FADS1: variants seen among roughly 807,000 people sequenced by gnomAD.
The protein encoded by FADS1 is acyl-CoA (8-3)-desaturase.
A neutral mutation model predicts 61.6 loss-of-function variants in FADS1; 17 were observed. The observed-to-expected ratio is 0.28, with a 90% CI of 0.19 to 0.41. The LOEUF is 0.41. FADS1 is among the 10% of genes least tolerant of loss of function. The pLI is 1.00. For synonymous variants in FADS1, 238 were observed against 258.7 expected (o/e 0.92, Z 0.77); for missense variants, 387 against 650.9 (o/e 0.59, Z 4.41).
chr11:61,811,792 T>C, intron 3 of FADS1: 1 of 396,676 alleles, frequency 2.5e-6, no homozygotes, highest in Non-Finnish European at 5.1e-6. Flanking sequence ...TTTCACCATG[T>C]TGGCCAGGTG....
rs960425397 is a variant in FADS1, at chr11:61,816,189, C to G, written c.375+366G>C. The G allele has an allele frequency of 2.1e-6, 3 of 1,458,302 alleles. No individual in the cohort carries two copies. The highest frequency in any genetic ancestry group is 2.8e-5 in the African/African-American group (2 of 71,962). The allele number at this position is 1,458,302 out of a possible 1,614,324, so 90.3% of individuals were successfully genotyped here. A position where few individuals can be genotyped will look rare whatever the true frequency, so the allele number is the denominator to read the frequency against. On this transcript the variant is annotated intron_variant, in intron 1 of 11. Transcript: ENST00000350997. This position sits in a 1 kb window ranked among gnomAD's most constrained non-coding sequence, Gnocchi z 7.0. ...CCCCTGGCCACTGACCCCCTCCCTCCCCAGGCGGCCTGCATCCTTGCTCTC... is the reference window on the plus strand; with the variant it reads ...CCCCTGGCCACTGACCCCCTCCCTCGCCAGGCGGCCTGCATCCTTGCTCTC...
chr11:61,808,604 G>C (rs1431237437), intron 5 of FADS1, among the ~76,000 whole-genome samples: 1 of 152,172 alleles, frequency 6.6e-6, no homozygotes, highest in Non-Finnish European at 1.5e-5. Context: ...CAAGTTATAG[G>C]GATCATAAAG....
At position 61,816,954 on chromosome 11, in the gene FADS1, G is replaced by C; in HGVS notation, c.-25C>G. ...TTGGCCGAGCCTCGTGGCGCGGGGA[G>C]CGAGATCCCGTCCCCCGGTGGGTCT... On this transcript the variant is annotated 5_prime_UTR_variant, in exon 1 of 12. Transcript: ENST00000350997. This position sits in a 1 kb window ranked among gnomAD's most constrained non-coding sequence, Gnocchi z 7.0. 3 of 1,373,894 alleles carry C rather than the reference G, an allele frequency of 2.2e-6. No individual in the cohort carries two copies. In the South Asian group the frequency reaches 5.0e-5, roughly 23 times the overall value. The allele number at this position is 1,373,894 out of a possible 1,614,324, so 85.1% of individuals were successfully genotyped here.
Position 61,802,730 on chromosome 11 carries a change from A to G in FADS1, c.1454+71T>C. The G allele has an allele frequency of 1.3e-6, 2 of 1,597,924 alleles. No individual in the cohort carries two copies. Among genetic ancestry groups the G allele is most frequent in the Non-Finnish European group, 1.7e-6 (2 of 1,168,206 alleles). ...ACACCTTCTGTTCACTCCCCACCCT[A>G]CATGTCATCATTTCCATTGCCCTGC... On this transcript the variant is annotated intron_variant, in intron 11 of 11. Transcript: ENST00000350997. This position sits in a 1 kb window ranked among gnomAD's most constrained non-coding sequence, Gnocchi z 4.2.
In FADS1 at chr11:61,802,544, C is replaced by T. The variant is rs898941590; in HGVS notation, c.1455-82G>A. 6.6e-6 allele frequency: 9 copies of T among 1,355,604 alleles called. No homozygotes were observed. The African/African-American group carries it at 1.2e-4, about 17-fold the overall frequency. The allele number at this position is 1,355,604 out of a possible 1,614,324, so 84.0% of individuals were successfully genotyped here. A position where few individuals can be genotyped will look rare whatever the true frequency, so the allele number is the denominator to read the frequency against. On this transcript the variant is annotated intron_variant, in intron 11 of 11. Coordinates refer to ENST00000350997, the MANE Select transcript of FADS1 (RefSeq NM_013402.7). This position sits in a 1 kb window ranked among gnomAD's most constrained non-coding sequence, Gnocchi z 4.2. ...GGAGATGGAGCAGTGAGGTTAAGGCCTTCTTCCATCTGGAGGTTTTCCTCC... is the reference window on the plus strand; with the variant it reads ...GGAGATGGAGCAGTGAGGTTAAGGCTTTCTTCCATCTGGAGGTTTTCCTCC...
At chr11:61,812,855 G>A (rs2066941418) in intron 2 of FADS1, among the ~76,000 whole-genome samples, 187 bp from the exon 3 acceptor site, 1 of 152,196 alleles carries the variant, frequency 6.6e-6, no homozygotes, top group African/African-American at 2.4e-5. Context: ...TAAGAGTTCA[G>A]GGGACTAAGT....
At position 61,799,849 on chromosome 11, in the gene FADS1, C is replaced by T. The variant is rs1244827600; in HGVS notation, c.*2562G>A. 6.5e-6 allele frequency: 1 copy of T among 152,810 alleles called. No individual in the cohort carries two copies. Among genetic ancestry groups the T allele is most frequent in the African/African-American group, 2.4e-5 (1 of 41,462 alleles). The allele number at this position is 152,810 out of a possible 1,614,324, so 9.5% of individuals were successfully genotyped here. On this transcript the variant is annotated 3_prime_UTR_variant, in exon 12 of 12. Transcript: ENST00000350997. Reference sequence around the variant, plus strand: ...CTTGACCAGAGGCAGCTTTTCCTCTCTAAGCCTATTTTATATCTGTCAGTG... The same window carrying T: ...CTTGACCAGAGGCAGCTTTTCCTCTTTAAGCCTATTTTATATCTGTCAGTG...
chr11:61,813,398 T>C, intron 1 of FADS1, 45 bp from the exon 2 acceptor site: 1 of 1,181,476 alleles, frequency 8.5e-7, no homozygotes, highest in South Asian at 1.2e-5. Context: ...GCCAGCCCCC[T>C]GGACTCCGGC....
chr11:61,802,657 A>G lies in FADS1; in HGVS notation c.1454+144T>C. 7.5e-7 allele frequency: 1 copy of G among 1,330,836 alleles called. No homozygotes were observed. 82.4% of individuals were successfully genotyped at this position (1,330,836 alleles called of 1,614,324 possible). A position where few individuals can be genotyped will look rare whatever the true frequency, so the allele number is the denominator to read the frequency against. ...GGCCTGACCTGGCCACAGGTCCAAT[A>G]AAGAATCCTGCCTTTGCCATGGTGA... On this transcript the variant is annotated intron_variant, in intron 11 of 11. Transcript: ENST00000350997. This position sits in a 1 kb window ranked among gnomAD's most constrained non-coding sequence, Gnocchi z 4.2.
In FADS1 at chr11:61,815,471, G is replaced by C. The variant is rs2066972624; in HGVS notation, c.375+1084C>G. On this transcript the variant is annotated intron_variant, in intron 1 of 11. Coordinates refer to ENST00000350997, the MANE Select transcript of FADS1 (RefSeq NM_013402.7). This position sits in a 1 kb window ranked among gnomAD's most constrained non-coding sequence, Gnocchi z 6.4. ...ACGTTATGGGAACCTGGTGACCCGCGGCACACTCTGGGACGCCAGGGTAGT... is the reference window on the plus strand; with the variant it reads ...ACGTTATGGGAACCTGGTGACCCGCCGCACACTCTGGGACGCCAGGGTAGT... The C allele has an allele frequency of 6.6e-6, 1 of 152,344 alleles. No individual in the cohort carries two copies. The highest frequency in any genetic ancestry group is 6.5e-5 in the Admixed American group (1 of 15,288). 9.4% of individuals were successfully genotyped at this position (152,344 alleles called of 1,614,324 possible). A position where few individuals can be genotyped will look rare whatever the true frequency, so the allele number is the denominator to read the frequency against.
chr11:61,816,599 C>A lies in FADS1; in HGVS notation c.331G>T (p.Gly111Trp). 6.2e-7 allele frequency: 1 copy of A among 1,610,160 alleles called. No homozygotes were observed. The highest frequency in any genetic ancestry group is 8.5e-7 in the Non-Finnish European group (1 of 1,178,986). ...NISEFTRRHP[G>W]GSRVISHYAG... The stretch of plus-strand genomic sequence containing the variant: ...TAGTGGCTGATGACCCGGGAGCCCC[C>A]TGGATGCCGGCGGGTGAACTCGCTG... Residue 111 changes from glycine (G) to tryptophan (W), a missense_variant, in exon 1 of 12, where the codon GGG (glycine) becomes TGG (tryptophan). Around this residue, in one of 2 missense-constraint regions of FADS1, gnomAD observed 257 missense variants for 533.3 expected, o/e 0.48. Coordinates refer to ENST00000350997, the MANE Select transcript of FADS1 (RefSeq NM_013402.7). The surrounding 1 kb of genome is among the most constrained non-coding windows in gnomAD (Gnocchi z 7.0).
chr11:61,816,357 T>A lies in FADS1; in HGVS notation c.375+198A>T. ...TGGCCTCCATCCCCACTCCCCAGAC[T>A]CCACTTCTCCAGGCCTCTCTCCCGC... On this transcript the variant is annotated intron_variant, in intron 1 of 11. Transcript: ENST00000350997. This position sits in a 1 kb window ranked among gnomAD's most constrained non-coding sequence, Gnocchi z 7.0. 6.3e-7 allele frequency: 1 copy of A among 1,598,328 alleles called. No individual in the cohort carries two copies. The highest frequency in any genetic ancestry group is 8.5e-7 in the Non-Finnish European group (1 of 1,179,764).
At position 61,816,434 on chromosome 11, in the gene FADS1, C is replaced by T. The variant is rs775465072; in HGVS notation, c.375+121G>A. The T allele has an allele frequency of 1.3e-6, 2 of 1,599,100 alleles. No homozygotes were observed. The highest frequency in any genetic ancestry group is 8.5e-7 in the Non-Finnish European group (1 of 1,179,794). On this transcript the variant is annotated intron_variant, in intron 1 of 11. Transcript: ENST00000350997. This position sits in a 1 kb window ranked among gnomAD's most constrained non-coding sequence, Gnocchi z 7.0. ...CCAATCACCGGGCAACAGGTATGAT[C>T]AGGCGCCTCCGGGCTTTCCTCCGAA... is the stretch of plus-strand genomic sequence containing the variant.
In FADS1 at chr11:61,815,701, G is replaced by C. The variant is rs1470061067; in HGVS notation, c.375+854C>G. The C allele has an allele frequency of 1.9e-5, 3 of 155,800 alleles. No homozygotes were observed. Among genetic ancestry groups the C allele is most frequent in the Non-Finnish European group, 4.3e-5 (3 of 70,328 alleles). The allele number at this position is 155,800 out of a possible 1,614,324, so 9.7% of individuals were successfully genotyped here. A position where few individuals can be genotyped will look rare whatever the true frequency, so the allele number is the denominator to read the frequency against. ...CTCTGAGGGCTGTGGTCTAGAAAGG[G>C]AAGCAGCAGGCCTGGGGCTGGGGCG... On this transcript the variant is annotated intron_variant, in intron 1 of 11. Transcript: ENST00000350997. The surrounding 1 kb of genome is among the most constrained non-coding windows in gnomAD (Gnocchi z 6.4).
chr11:61,807,184 T>C (rs1324421232), intron 5 of FADS1, among the ~76,000 whole-genome samples: 3 of 152,256 alleles, frequency 2.0e-5, no homozygotes, highest in African/African-American at 7.2e-5. Flanking sequence ...TTCTCCTGCC[T>C]CAGCCTCCCA....
rs1243665690 is a variant in FADS1 at position 61,816,351 on chromosome 11, C to G, written c.375+204G>C. 6.3e-7 allele frequency: 1 copy of G among 1,598,438 alleles called. No individual in the cohort carries two copies. The highest frequency in any genetic ancestry group is 1.7e-5 in the Admixed American group (1 of 60,018). On this transcript the variant is annotated intron_variant, in intron 1 of 11. Coordinates refer to ENST00000350997, the MANE Select transcript of FADS1 (RefSeq NM_013402.7). This position sits in a 1 kb window ranked among gnomAD's most constrained non-coding sequence, Gnocchi z 7.0. ...TGTTGTTGGCCTCCATCCCCACTCC[C>G]CAGACTCCACTTCTCCAGGCCTCTC...
At position 61,800,986 on chromosome 11, in the gene FADS1, C is replaced by T. The variant is rs2066852145; in HGVS notation, c.*1425G>A. 6.6e-6 allele frequency: 1 copy of T among 152,278 alleles called. No individual in the cohort carries two copies. Among genetic ancestry groups the T allele is most frequent in the Non-Finnish European group, 1.5e-5 (1 of 68,034 alleles). 9.4% of individuals were successfully genotyped at this position (152,278 alleles called of 1,614,324 possible). A position where few individuals can be genotyped will look rare whatever the true frequency, so the allele number is the denominator to read the frequency against. ...ATCTCTTCTAAAGCCTATTTGGTTT[C>T]CAGAAGAGTTAGATACTTGAACAAG... On this transcript the variant is annotated 3_prime_UTR_variant, in exon 12 of 12. Transcript: ENST00000350997.
rs751724731 is a variant in FADS1, at chr11:61,816,292, G to C, written c.375+263C>G. 1.3e-6 allele frequency: 2 copies of C among 1,598,312 alleles called. No individual in the cohort carries two copies. Among genetic ancestry groups the C allele is most frequent in the Non-Finnish European group, 1.7e-6 (2 of 1,179,780 alleles). The stretch of plus-strand genomic sequence containing the variant: ...GCTCGGGGCTGCAGATGGAATGCAC[G>C]GCAGGGAGGCGGGACCCTTTGTTTG... On this transcript the variant is annotated intron_variant, in intron 1 of 11. Transcript: ENST00000350997. This position sits in a 1 kb window ranked among gnomAD's most constrained non-coding sequence, Gnocchi z 7.0.
chr11:61,803,152 T>C lies in FADS1; in HGVS notation c.1249-41A>G, dbSNP rs774354965. 1 of 1,590,216 alleles carries C rather than the reference T, an allele frequency of 6.3e-7. No homozygotes were observed. The highest frequency in any genetic ancestry group is 1.1e-5 in the South Asian group (1 of 90,430). On this transcript the variant is annotated intron_variant, in intron 9 of 11. Coordinates refer to ENST00000350997, the MANE Select transcript of FADS1 (RefSeq NM_013402.7). This position sits in a 1 kb window ranked among gnomAD's most constrained non-coding sequence, Gnocchi z 4.3. ...AGGGGAGAGCATGTTGAATATCAGA[T>C]GGAAAGGCCAGCCCAGCATTCTCCA...
Sources: allele counts gnomAD v4.1 joint callset (sites outside exome capture counted in the v4.1 genomes callset), GRCh38; gene constraint gnomAD v4.1.1; regional missense constraint gnomAD v4.1.1; non-coding constraint Gnocchi (gnomAD v3.1); transcripts MANE v1.5; gene names NCBI Gene and HGNC (gene_info 2026-07-23, HGNC 2026-07-21).